The following ARHGAP24 variants were observed in gnomAD, a reference collection of about 807,000 sequenced individuals.
ARHGAP24 encodes rho GTPase-activating protein 24.
ARHGAP24 carries 50 observed loss-of-function variants against 76.4 expected under a neutral mutation model. The observed-to-expected ratio is 0.65, with a 90% confidence interval of 0.52 to 0.83. The LOEUF is 0.83. Among genes scored for constraint, ARHGAP24 ranks in the 40% least tolerant of loss-of-function variants. The pLI is 0.00. For synonymous variants in ARHGAP24, 345 were observed against 323.3 expected (o/e 1.07, Z -0.72); for missense variants, 930 against 914.2 (o/e 1.02, Z -0.22).
chr4:85,651,385 T>C (rs1721938248), intron 2 of ARHGAP24, among the ~76,000 whole-genome samples: 1 of 149,154 alleles, frequency 6.7e-6, no homozygotes, highest in Non-Finnish European at 1.5e-5. Context: ...ATTATTTTTG[T>C]AGTAGGAATG....
chr4:85,692,147 A>T (rs1037730946), intron 2 of ARHGAP24, among the ~76,000 whole-genome samples: 2 of 152,174 alleles, frequency 1.3e-5, no homozygotes, highest in Non-Finnish European at 2.9e-5. Context: ...GGATGCTGAA[A>T]ATGGACCCCC....
intron 2 of ARHGAP24, among the ~76,000 whole-genome samples, chr4:85,715,827 A>G (rs1021343258): frequency 2.0e-5 from 3 of 151,912 alleles, no homozygotes; most frequent in Non-Finnish European, 4.4e-5. Flanking sequence ...TCTCACCTTT[A>G]TGTTCTCTGT....
At chr4:85,927,063 GA>G (rs1001480304) in intron 4 of ARHGAP24, among the ~76,000 whole-genome samples, 4 of 151,018 alleles carry the variant, frequency 2.6e-5, no homozygotes, top group African/African-American at 7.3e-5. Flanking sequence ...CGAGCAATTA[GA>G]AAAAAAAATC....
intron 2 of ARHGAP24, among the ~76,000 whole-genome samples, chr4:85,606,559 G>T (rs1022705524): frequency 6.6e-6 from 1 of 151,530 alleles, no homozygotes; most frequent in African/African-American, 2.4e-5. Context: ...GATTTTTTAA[G>T]ATCGAAGTAT....
intron 3 of ARHGAP24, among the ~76,000 whole-genome samples, chr4:85,880,205 ATC>A (rs1463488250): frequency 6.4e-4 from 98 of 152,348 alleles, no homozygotes; most frequent in African/African-American, 2.3e-3. Context: ...TGTGAATGTG[ATC>A]TCTCTTTTAA....
intron 8 of ARHGAP24, among the ~76,000 whole-genome samples, chr4:85,982,724 T>C (rs543945137): frequency 1.3e-5 from 2 of 152,346 alleles, no homozygotes; most frequent in East Asian, 3.9e-4. Flanking sequence ...GCATTCTTAA[T>C]GCATAGAAAG....
In ARHGAP24 at chr4:85,660,794, C is replaced by A. The variant is rs866101582; in HGVS notation, c.181-61091C>A. ...CTGGTGACAGAGAGAGACTCCGTCT[C>A]AAAAAAAAAAAAAAAAAAAAAAATC... On this transcript the variant is annotated intron_variant, in intron 2 of 9. Coordinates refer to ENST00000395184, the MANE Select transcript of ARHGAP24 (RefSeq NM_001025616.3). Among the ~76,000 whole-genome samples, 75 of 59,428 alleles carry A rather than the reference C, an allele frequency of 1.3e-3. 1 individual carries two copies. Among genetic ancestry groups the A allele is most frequent in the East Asian group, 2.5e-3 (5 of 1,968 alleles). 39.0% of individuals were successfully genotyped at this position (59,428 alleles called of 152,430 possible).
intron 3 of ARHGAP24, among the ~76,000 whole-genome samples, chr4:85,813,892 A>G (rs1363260469): frequency 6.7e-6 from 1 of 150,282 alleles, no homozygotes; most frequent in Admixed American, 6.6e-5. Flanking sequence ...TGATAAAGAC[A>G]TACCCGAGAC....
chr4:85,904,648 G>A (rs1480762709), intron 3 of ARHGAP24, among the ~76,000 whole-genome samples: 3 of 152,156 alleles, frequency 2.0e-5, no homozygotes, highest in Non-Finnish European at 4.4e-5. Context: ...TTTGGTTTAG[G>A]CCTGTGAATG....
At chr4:85,797,174 T>G (rs1438080117) in intron 3 of ARHGAP24, among the ~76,000 whole-genome samples, 1 of 146,664 alleles carries the variant, frequency 6.8e-6, no homozygotes, top group African/African-American at 2.5e-5. Flanking sequence ...TTTTTTTTTG[T>G]TTTTGTTTTT....
intron 3 of ARHGAP24, among the ~76,000 whole-genome samples, chr4:85,761,196 G>C (rs1449094863): frequency 6.6e-6 from 1 of 152,190 alleles, no homozygotes; most frequent in African/African-American, 2.4e-5. Flanking sequence ...GATAGCTGGA[G>C]TTCTTCCTAA....
chr4:85,532,120 C>T (rs6531827), intron 1 of ARHGAP24, among the ~76,000 whole-genome samples: 150,739 of 152,262 alleles, frequency 0.99, 74,639 homozygotes, highest in Middle Eastern at 1. Flanking sequence ...ATGGATGCTG[C>T]TGTTTTCAGG....
intron 1 of ARHGAP24, among the ~76,000 whole-genome samples, chr4:85,553,960 C>T (rs921066050): frequency 3.3e-5 from 5 of 152,048 alleles, no homozygotes; most frequent in African/African-American, 1.2e-4. Context: ...AACATTCTTT[C>T]TTGTCCATAT....
At chr4:85,929,208 C>G (rs144235496) in intron 4 of ARHGAP24, among the ~76,000 whole-genome samples, 13 of 152,248 alleles carry the variant, frequency 8.5e-5, no homozygotes, top group African/African-American at 2.9e-4. Context: ...CTTTGTGGTT[C>G]TTTATTTTCT....
intron 2 of ARHGAP24, among the ~76,000 whole-genome samples, chr4:85,706,522 T>C (rs981925751): frequency 3.9e-5 from 6 of 151,974 alleles, no homozygotes; most frequent in Non-Finnish European, 8.8e-5. Context: ...AAAACACATT[T>C]CCCTGAAACA....
intron 2 of ARHGAP24, among the ~76,000 whole-genome samples, chr4:85,590,388 C>G (rs1728043807): frequency 1.3e-5 from 2 of 150,082 alleles, no homozygotes; most frequent in Non-Finnish European, 2.9e-5. Context: ...GAGATGGAGT[C>G]TCGCTCTGTC....
At chr4:85,691,966 T>C (rs1008698319) in intron 2 of ARHGAP24, among the ~76,000 whole-genome samples, 1 of 152,204 alleles carries the variant, frequency 6.6e-6, no homozygotes, top group Non-Finnish European at 1.5e-5. Flanking sequence ...TAGCAGGTGT[T>C]GTTCTATTGG....
chr4:85,590,484 C>T (rs536197446), intron 2 of ARHGAP24, among the ~76,000 whole-genome samples: 9 of 151,932 alleles, frequency 5.9e-5, no homozygotes, highest in Non-Finnish European at 8.8e-5. Flanking sequence ...TCCAGCATCC[C>T]GAGTAGTTGG....
intron 2 of ARHGAP24, among the ~76,000 whole-genome samples, chr4:85,587,852 C>T (rs967783832): frequency 6.6e-6 from 1 of 151,912 alleles, no homozygotes; most frequent in Non-Finnish European, 1.5e-5. Flanking sequence ...TTGTGAAGCT[C>T]GATTATGATG....
Sources: allele counts gnomAD v4.1 joint callset (sites outside exome capture counted in the v4.1 genomes callset), GRCh38; gene constraint gnomAD v4.1.1; transcripts MANE v1.5; gene names NCBI Gene and HGNC (gene_info 2026-07-23, HGNC 2026-07-21).